Variants in DOCK9 observed in about 807,000 individuals in gnomAD.
DOCK9 encodes the protein dedicator of cytokinesis protein 9.
DOCK9 carries 89 observed loss-of-function variants against 263.3 expected under a neutral mutation model. The observed-to-expected ratio is 0.34, with a 90% CI of 0.28 to 0.40. DOCK9 has a LOEUF of 0.40. DOCK9 is among the 10% of genes least tolerant of loss of function. DOCK9 has a pLI of 1.00. For missense variants in DOCK9, 2,140 were observed against 2,603.4 expected, an observed-to-expected ratio of 0.82 and a Z score of 3.87; for synonymous variants, 976 against 973.1, an observed-to-expected ratio of 1.00 and a Z score of -0.06.
chr13:98,821,061 G>C (rs1165061148), intron 45 of DOCK9, among the ~76,000 whole-genome samples: 1 of 152,188 alleles, frequency 6.6e-6, no homozygotes, highest in Non-Finnish European at 1.5e-5. Flanking sequence ...GTATTGATTT[G>C]GAGGCTACAA....
chr13:99,086,205 C>T, intron 1 of DOCK9: 1 of 1,484,280 alleles, frequency 6.7e-7, no homozygotes, highest in Non-Finnish European at 8.9e-7. Flanking sequence ...CCCCGGCCCG[C>T]GGTCGTCCCG....
intron 1 of DOCK9, among the ~76,000 whole-genome samples, chr13:99,083,675 T>G (rs892529438): frequency 6.6e-6 from 1 of 152,204 alleles, no homozygotes; most frequent in Non-Finnish European, 1.5e-5. Context: ...AAATCATTCA[T>G]GAAAGTCCAT....
At position 98,885,700 on chromosome 13, in the gene DOCK9, C is replaced by T; in HGVS notation, c.2260+8G>A. On this transcript the variant is annotated splice_region_variant and intron_variant, in intron 20 of 52. Coordinates refer to ENST00000682017, the MANE Select transcript of DOCK9 (RefSeq NM_001366683.2). ...TTTAAAATCAAAGGAATGGTAAGCC[C>T]CCCCAACCTTGGGTTTCAACGACAT... 2.5e-6 allele frequency: 4 copies of T among 1,607,428 alleles called. 1 individual carries two copies. In the South Asian group the frequency reaches 3.4e-5, roughly 14 times the overall value.
In DOCK9 at chr13:98,846,025, C is replaced by T. The variant is rs773601462; in HGVS notation, c.4097G>A (p.Arg1366Gln). ...GGAAACAGGCAATGTCTGAGACTTT[C>T]GATCATGAACTATGGGTCCCAACCC... ...QEGLGPIVHDRKSQTLPVSRN... is the reference protein window; with the variant it reads ...QEGLGPIVHDQKSQTLPVSRN... The change falls in exon 38 of 53, where the codon CGA becomes CAA. Residue 1366 changes from arginine to glutamine, a missense_variant. Around this residue, in one of 2 missense-constraint regions of DOCK9, gnomAD observed 1,521 missense variants for 1,741.7 expected, o/e 0.87. Coordinates refer to ENST00000682017, the MANE Select transcript of DOCK9 (RefSeq NM_001366683.2). The T allele has an allele frequency of 8.8e-6, 14 of 1,598,006 alleles. No homozygotes were observed. The highest frequency in any genetic ancestry group is 5.4e-5 in the African/African-American group (4 of 74,754).
At chr13:98,834,127 C>A (rs572049183) in intron 39 of DOCK9, among the ~76,000 whole-genome samples, 13 of 152,260 alleles carry the variant, frequency 8.5e-5, no homozygotes, top group African/African-American at 2.9e-4. Flanking sequence ...CAGGTTTGAC[C>A]ATTGTAACAT....
At chr13:98,808,726 C>T (rs2090991394) in intron 47 of DOCK9, 2 of 1,261,648 alleles carry the variant, frequency 1.6e-6, no homozygotes, top group Non-Finnish European at 2.3e-6. Flanking sequence ...TTATATAATG[C>T]TCATAGAAAA....
chr13:98,838,517 G>T (rs2093093270), intron 38 of DOCK9, among the ~76,000 whole-genome samples: 1 of 152,166 alleles, frequency 6.6e-6, no homozygotes, highest in African/African-American at 2.4e-5. Context: ...TTTAGAAAAA[G>T]AAAAGGACTT....
chr13:98,984,229 G>A (rs1364135646), intron 1 of DOCK9, among the ~76,000 whole-genome samples: 1 of 152,096 alleles, frequency 6.6e-6, no homozygotes, highest in Non-Finnish European at 1.5e-5. Flanking sequence ...TCTTCCCATG[G>A]GCAGGTTCAC....
intron 1 of DOCK9, among the ~76,000 whole-genome samples, chr13:99,056,953 C>T (rs1177260705): frequency 6.6e-6 from 1 of 152,226 alleles, no homozygotes; most frequent in Admixed American, 6.5e-5. Context: ...TGGATCACCT[C>T]CCTGGGGGAT....
intron 1 of DOCK9, among the ~76,000 whole-genome samples, chr13:99,056,874 G>C (rs752203187): frequency 6.6e-6 from 1 of 152,204 alleles, no homozygotes; most frequent in Admixed American, 6.5e-5. Flanking sequence ...GGAGCCATGC[G>C]TACAGCAGCG....
chr13:98,893,067 C>A (rs2046871366), intron 15 of DOCK9, among the ~76,000 whole-genome samples: 1 of 152,066 alleles, frequency 6.6e-6, no homozygotes, highest in African/African-American at 2.4e-5. Context: ...TTATGTGCTG[C>A]TTGATGAGGC....
At chr13:98,985,351 C>T (rs1595828174) in intron 1 of DOCK9, among the ~76,000 whole-genome samples, 2 of 151,654 alleles carry the variant, frequency 1.3e-5, no homozygotes, top group East Asian at 3.9e-4. Flanking sequence ...GGCTCTATCA[C>T]CATCTGGCAT....
rs1250755343 is a variant in DOCK9 at position 98,977,778 on chromosome 13, T to A, written c.126+6A>T. 1.9e-6 allele frequency: 3 copies of A among 1,611,760 alleles called. No individual in the cohort carries two copies. In the Admixed American group the frequency reaches 5.0e-5, roughly 27 times the overall value. On this transcript the variant is annotated splice_donor_region_variant and intron_variant, in intron 1 of 52. Transcript: ENST00000682017. ...CACAGCAACACTTTGTACGAGACCC[T>A]CTTACCGGCACAGGGCCCGGGCTCT...
Position 98,968,217 on chromosome 13 carries a change from T to A in DOCK9, c.126+9567A>T, listed in dbSNP as rs149602140. On this transcript the variant is annotated intron_variant, in intron 1 of 52. Coordinates refer to ENST00000682017, the MANE Select transcript of DOCK9 (RefSeq NM_001366683.2). ...AATGAAATATAAAATACCTTTTTTT[T>A]AAATAAGAATTTAAAATTGAAATGG... is the stretch of plus-strand genomic sequence containing the variant. 4.3e-3 allele frequency among the ~76,000 whole-genome samples: 656 copies of A among 152,316 alleles called. 6 individuals carry two copies. The highest frequency in any genetic ancestry group is 0.015 in the African/African-American group (623 of 41,564).
At chr13:98,934,743 C>T (rs1390312306) in intron 2 of DOCK9, among the ~76,000 whole-genome samples, 1 of 152,162 alleles carries the variant, frequency 6.6e-6, no homozygotes, top group Non-Finnish European at 1.5e-5. Context: ...CGAAAGAGGT[C>T]AAGTAAGATA....
In DOCK9 at chr13:98,921,086, T is replaced by C; in HGVS notation, c.585A>G (p.Ser195=). The C allele has an allele frequency of 6.3e-7, 1 of 1,597,300 alleles. No individual in the cohort carries two copies. Among genetic ancestry groups the C allele is most frequent in the South Asian group, 1.1e-5 (1 of 88,032 alleles). ...TCAGGTGGAAAAATCGTCTCTTAAA[T>C]GACTGAGAGAAAAATATACACACAG... ...MNSAISVTMR[S]FKRRFFHLIQ... is the part of the protein sequence containing the mutation. Residue 195 remains serine (S), a splice_region_variant and synonymous_variant, in exon 7 of 53, where the codon TCA becomes TCG. Transcript: ENST00000682017.
At chr13:98,828,454 A>G (rs1295534736) in intron 43 of DOCK9, among the ~76,000 whole-genome samples, 2 of 152,200 alleles carry the variant, frequency 1.3e-5, no homozygotes, top group Non-Finnish European at 2.9e-5. Context: ...GTTTACATTA[A>G]ATTTATAGTC....
At chr13:98,814,406 C>CTTTT (rs36080691) in intron 45 of DOCK9, among the ~76,000 whole-genome samples, 23,879 of 138,758 alleles carry the variant, frequency 0.17, 2,868 homozygotes, top group East Asian at 0.41. Context: ...AGAAGTACGT[C>CTTTT]TTTTTTTTTT....
chr13:98,930,299 G>C, intron 2 of DOCK9, 42 bp from the exon 3 acceptor site: 1 of 1,546,682 alleles, frequency 6.5e-7, no homozygotes, highest in Non-Finnish European at 8.8e-7. Context: ...GTAAGTGAAG[G>C]AGGCAGGTGC....
Sources: allele counts gnomAD v4.1 joint callset (sites outside exome capture counted in the v4.1 genomes callset), GRCh38; gene constraint gnomAD v4.1.1; regional missense constraint gnomAD v4.1.1; transcripts MANE v1.5; gene names NCBI Gene and HGNC (gene_info 2026-07-23, HGNC 2026-07-21).